Variants in NDUFS4 observed in about 807,000 individuals in gnomAD.
NDUFS4 encodes the protein NADH:ubiquinone oxidoreductase subunit S4.
In NDUFS4, 28 loss-of-function variants were observed where a neutral mutation model predicts 24.3. That is an observed-to-expected ratio of 1.15 (90% CI 0.85 to 1.58). NDUFS4 has a LOEUF of 1.58. Ranked by LOEUF, NDUFS4 falls within the 40% of genes most tolerant of loss-of-function variation. The probability of loss-of-function intolerance (pLI) is 0.00; values close to 1 mark genes in which losing one functional copy is unlikely to be tolerated. For synonymous variants in NDUFS4, 93 were observed against 69.7 expected, an observed-to-expected ratio of 1.34 and a Z score of -1.67; for missense variants, 223 against 207.9, an observed-to-expected ratio of 1.07 and a Z score of -0.45.
In NDUFS4 at chr5:53,636,701, C is replaced by G. The variant is rs1249702736; in HGVS notation, c.178-9532C>G. Among the ~76,000 whole-genome samples the G allele has an allele frequency of 2.0e-5, 3 of 152,070 alleles. No homozygotes were observed. The East Asian group carries it at 5.8e-4, about 29-fold the overall frequency. On this transcript the variant is annotated intron_variant, in intron 2 of 4. Coordinates refer to ENST00000296684, the MANE Select transcript of NDUFS4 (RefSeq NM_002495.4). ...GTAATCCCCGACATTGGAGGTGGAG[C>G]CTGTTGGGAGGTAATTGGATCATCA... is the stretch of plus-strand genomic sequence containing the variant.
chr5:53,603,944 A>T (rs181084610), intron 2 of NDUFS4, among the ~76,000 whole-genome samples: 156 of 152,300 alleles, frequency 1.0e-3, no homozygotes, highest in African/African-American at 3.6e-3. Context: ...ATATGTATAT[A>T]TGTATATGCA....
At chr5:53,629,494 G>A (rs1219850847) in intron 2 of NDUFS4, among the ~76,000 whole-genome samples, 1 of 152,002 alleles carries the variant, frequency 6.6e-6, no homozygotes, top group East Asian at 1.9e-4. Flanking sequence ...AAGTCTTCCA[G>A]TGTTATTGTG....
chr5:53,616,608 T>C (rs1056552604), intron 2 of NDUFS4, among the ~76,000 whole-genome samples: 1 of 151,974 alleles, frequency 6.6e-6, no homozygotes, highest in Non-Finnish European at 1.5e-5. Flanking sequence ...CGGAAAGATA[T>C]GACATAATAA....
intron 4 of NDUFS4, among the ~76,000 whole-genome samples, chr5:53,665,405 C>T (rs1232828727): frequency 2.6e-5 from 4 of 152,214 alleles, no homozygotes; most frequent in Non-Finnish European, 5.9e-5. Flanking sequence ...TTTTGTTTGG[C>T]TATGCCCTAC....
chr5:53,597,648 A>G (rs1374961862), intron 1 of NDUFS4, among the ~76,000 whole-genome samples: 1 of 152,188 alleles, frequency 6.6e-6, no homozygotes, highest in Non-Finnish European at 1.5e-5. Context: ...CAAGATCTAT[A>G]TGAAGAAAAT....
chr5:53,644,179 G>A (rs754727445), intron 2 of NDUFS4, among the ~76,000 whole-genome samples: 1 of 152,006 alleles, frequency 6.6e-6, no homozygotes, highest in Non-Finnish European at 1.5e-5. Flanking sequence ...TATAGAAGTA[G>A]GTAAAGTAAA....
At chr5:53,593,169 G>A (rs1750029428) in intron 1 of NDUFS4, among the ~76,000 whole-genome samples, 2 of 151,860 alleles carry the variant, frequency 1.3e-5, no homozygotes, top group Non-Finnish European at 2.9e-5. Flanking sequence ...TGGACGTTAT[G>A]GTTTCTTTTT....
At chr5:53,634,109 G>A (rs1294482026) in intron 2 of NDUFS4, among the ~76,000 whole-genome samples, 1 of 152,216 alleles carries the variant, frequency 6.6e-6, no homozygotes, top group East Asian at 1.9e-4. Flanking sequence ...TCAGGCAACT[G>A]AGCTAGGACC....
At chr5:53,656,665 A>G (rs1388739272) in intron 3 of NDUFS4, among the ~76,000 whole-genome samples, 3 of 152,244 alleles carry the variant, frequency 2.0e-5, no homozygotes, top group Non-Finnish European at 4.4e-5. Flanking sequence ...AGTTCTGTCC[A>G]TATTATAGAA....
At chr5:53,677,139 G>C (rs773007604) in intron 4 of NDUFS4, among the ~76,000 whole-genome samples, 6 of 152,106 alleles carry the variant, frequency 3.9e-5, no homozygotes, top group Non-Finnish European at 8.8e-5. Context: ...TGGAGTAATG[G>C]ATTACTACCT....
At chr5:53,626,800 A>C (rs907446472) in intron 2 of NDUFS4, among the ~76,000 whole-genome samples, 2 of 152,150 alleles carry the variant, frequency 1.3e-5, no homozygotes, top group Non-Finnish European at 2.9e-5. Context: ...TCAGATTGAT[A>C]GATTGCAAGC....
chr5:53,591,467 G>GC (rs1014677027), intron 1 of NDUFS4, among the ~76,000 whole-genome samples: 10 of 135,606 alleles, frequency 7.4e-5, no homozygotes, highest in African/African-American at 2.7e-4. Context: ...TTTTTGGGGG[G>GC]GGGGGGTGAT....
intron 3 of NDUFS4, among the ~76,000 whole-genome samples, chr5:53,649,597 A>G (rs1365185200): frequency 3.3e-5 from 5 of 152,048 alleles, no homozygotes; most frequent in South Asian, 4.1e-4. Context: ...TCTTTATCCA[A>G]TCCATTGTTG....
chr5:53,613,602 G>GC (rs1554056466), intron 2 of NDUFS4, among the ~76,000 whole-genome samples: 1 of 133,020 alleles, frequency 7.5e-6, no homozygotes, highest in Non-Finnish European at 1.6e-5. Flanking sequence ...AGCAACTATA[G>GC]TTTTTTTTTT....
chr5:53,573,576 A>C, intron 1 of NDUFS4: 1 of 451,208 alleles, frequency 2.2e-6, no homozygotes, highest in Non-Finnish European at 4.4e-6. Context: ...ATTGCTTTTA[A>C]AATTTTCTTT....
At chr5:53,682,547 G>A (rs1429415513) in intron 4 of NDUFS4, among the ~76,000 whole-genome samples, 3 of 150,718 alleles carry the variant, frequency 2.0e-5, no homozygotes, top group Non-Finnish European at 4.4e-5. Context: ...AATAAATGTT[G>A]AAAATCAATT....
chr5:53,583,302 A>G (rs889865529), intron 1 of NDUFS4, among the ~76,000 whole-genome samples: 1 of 152,194 alleles, frequency 6.6e-6, no homozygotes, highest in African/African-American at 2.4e-5. Flanking sequence ...CATACTATTG[A>G]ATAATACTAT....
At chr5:53,571,695 A>C (rs1286357544) in intron 1 of NDUFS4, among the ~76,000 whole-genome samples, 3 of 152,110 alleles carry the variant, frequency 2.0e-5, no homozygotes, top group Admixed American at 6.5e-5. Context: ...CTTTGTTATT[A>C]TCTATCTTTT....
intron 1 of NDUFS4, among the ~76,000 whole-genome samples, chr5:53,588,357 T>G (rs1749837516): frequency 6.6e-6 from 1 of 152,170 alleles, no homozygotes; most frequent in South Asian, 2.1e-4. Flanking sequence ...CATTTGTTTC[T>G]CCGCACACCA....
Sources: allele counts gnomAD v4.1 joint callset (sites outside exome capture counted in the v4.1 genomes callset), GRCh38; gene constraint gnomAD v4.1.1; transcripts MANE v1.5; gene names NCBI Gene and HGNC (gene_info 2026-07-23, HGNC 2026-07-21).